Variants in PPP6R3 observed in about 807,000 individuals in gnomAD.
PPP6R3 encodes the protein serine/threonine-protein phosphatase 6 regulatory subunit 3.
PPP6R3 carries 38 observed loss-of-function variants against 110.7 expected under a neutral mutation model. That is an observed-to-expected ratio of 0.34 (90% CI 0.26 to 0.45). The LOEUF is 0.45. Ranked by LOEUF, PPP6R3 falls within the 20% of genes least tolerant of loss-of-function variation. The pLI is 1.00. For missense variants in PPP6R3, 870 were observed against 1,062.4 expected (o/e 0.82, Z 2.52); for synonymous variants, 369 against 373.5 (o/e 0.99, Z 0.14).
chr11:68,614,621 T>C lies in PPP6R3; in HGVS notation c.*1504T>C, dbSNP rs1944861309. The C allele has an allele frequency of 6.6e-7, 1 of 1,515,770 alleles. No homozygotes were observed. Among genetic ancestry groups the C allele is most frequent in the Admixed American group, 2.7e-5 (1 of 37,646 alleles). The allele number at this position is 1,515,770 out of a possible 1,614,324, so 93.9% of individuals were successfully genotyped here. ...TGCCTTATTATTTCTGATTTCCTTT[T>C]TCATTTTAAGTGGTGTGGAGATTCC... On this transcript the variant is annotated 3_prime_UTR_variant, in exon 24 of 24. Transcript: ENST00000393800.
intron 1 of PPP6R3, among the ~76,000 whole-genome samples, chr11:68,506,404 C>T (rs893107162): frequency 2.2e-5 from 2 of 90,644 alleles, no homozygotes; most frequent in African/African-American, 8.0e-5. Flanking sequence ...TGCACCCAGC[C>T]CTTTATACTC....
chr11:68,563,597 A>G (rs1403130713), intron 8 of PPP6R3, among the ~76,000 whole-genome samples: 1 of 152,234 alleles, frequency 6.6e-6, no homozygotes, highest in Non-Finnish European at 1.5e-5. Context: ...CTACTTAGCT[A>G]AACCAGACAG....
chr11:68,553,623 G>A (rs1006505723), intron 6 of PPP6R3, among the ~76,000 whole-genome samples: 1 of 152,072 alleles, frequency 6.6e-6, no homozygotes, highest in African/African-American at 2.4e-5. Context: ...TTCAAAAAAA[G>A]TATGTGCATC....
intron 1 of PPP6R3, among the ~76,000 whole-genome samples, chr11:68,518,915 T>G (rs952809310): frequency 6.6e-6 from 1 of 152,184 alleles, no homozygotes; most frequent in East Asian, 1.9e-4. Flanking sequence ...GTCCACAGTT[T>G]AAGTCATTTT....
chr11:68,475,705 G>C (rs1179641876), intron 1 of PPP6R3, among the ~76,000 whole-genome samples: 3 of 151,918 alleles, frequency 2.0e-5, no homozygotes, highest in African/African-American at 7.2e-5. Context: ...CTCCCGGACG[G>C]GGTGGCTGCC....
intron 20 of PPP6R3, among the ~76,000 whole-genome samples, chr11:68,601,276 C>T (rs1232834854): frequency 2.0e-5 from 3 of 152,152 alleles, no homozygotes; most frequent in African/African-American, 7.2e-5. Context: ...GTGATTGAAG[C>T]AGCTTGCTTC....
intron 1 of PPP6R3, among the ~76,000 whole-genome samples, chr11:68,492,478 C>T (rs1194156671): frequency 1.3e-5 from 2 of 152,202 alleles, no homozygotes; most frequent in Admixed American, 1.3e-4. Context: ...AGTTATATTT[C>T]ATTTTATGTA....
chr11:68,558,653 G>A lies in PPP6R3; in HGVS notation c.819G>A (p.Leu273=), dbSNP rs770313363. The A allele has an allele frequency of 3.1e-6, 5 of 1,611,610 alleles. No homozygotes were observed. In the South Asian group the frequency reaches 5.5e-5, roughly 18 times the overall value. The part of the protein sequence containing the change: ...SAIVSAIQIL[L]TLLETRRPTF... Reference sequence around the variant, plus strand: ...TAGTCAGTGCAATCCAGATATTGCTGACTTTACTTGAGACACGACGACCAA... The same window carrying A: ...TAGTCAGTGCAATCCAGATATTGCTAACTTTACTTGAGACACGACGACCAA... Residue 273 remains leucine, a synonymous_variant, in exon 8 of 24, where the codon CTG becomes CTA. Transcript: ENST00000393800.
chr11:68,532,625 T>C (rs2099247369), intron 2 of PPP6R3, among the ~76,000 whole-genome samples: 1 of 152,202 alleles, frequency 6.6e-6, no homozygotes. Context: ...AAAATTCCCG[T>C]CACCTAATGA....
intron 1 of PPP6R3, among the ~76,000 whole-genome samples, chr11:68,470,357 C>T (rs2098782003): frequency 6.6e-6 from 1 of 151,664 alleles, no homozygotes; most frequent in South Asian, 2.1e-4. Context: ...GGAGGGTCAG[C>T]AGGACAAGGT....
intron 7 of PPP6R3, among the ~76,000 whole-genome samples, chr11:68,556,837 C>T (rs1427620428): frequency 2.0e-5 from 3 of 152,264 alleles, no homozygotes; most frequent in African/African-American, 4.8e-5. Flanking sequence ...CAGAAGATGG[C>T]GTAGCTATTG....
intron 1 of PPP6R3, among the ~76,000 whole-genome samples, chr11:68,490,925 G>T (rs2098980136): frequency 6.6e-6 from 1 of 152,122 alleles, no homozygotes; most frequent in South Asian, 2.1e-4. Context: ...GCCGGGCATG[G>T]CCTGTAATCT....
chr11:68,483,694 C>A (rs536235293), intron 1 of PPP6R3, among the ~76,000 whole-genome samples: 1 of 152,292 alleles, frequency 6.6e-6, no homozygotes, highest in East Asian at 1.9e-4. Flanking sequence ...GTTGGCCAGG[C>A]TGGTCTCAAA....
intron 7 of PPP6R3, among the ~76,000 whole-genome samples, chr11:68,555,040 A>G (rs1051394671): frequency 1.3e-5 from 2 of 152,186 alleles, no homozygotes; most frequent in African/African-American, 4.8e-5. Flanking sequence ...TTTCCTGGAC[A>G]TATGTAAGAC....
chr11:68,588,758 T>TAA (rs367918194), intron 16 of PPP6R3, among the ~76,000 whole-genome samples: 82 of 141,742 alleles, frequency 5.8e-4, no homozygotes, highest in Admixed American at 9.8e-4. Context: ...ACTCGGTCTT[T>TAA]AAAAAAAAAA....
intron 1 of PPP6R3, among the ~76,000 whole-genome samples, chr11:68,513,028 G>T (rs1476003702): frequency 1.3e-5 from 2 of 152,094 alleles, no homozygotes; most frequent in African/African-American, 2.4e-5. Flanking sequence ...AGAAATCCAG[G>T]GTTGCCAGCC....
rs73504456 is a variant in PPP6R3, at chr11:68,550,208, G to A, written c.553-913G>A. 8.1e-3 allele frequency among the ~76,000 whole-genome samples: 1,230 copies of A among 152,128 alleles called. 16 individuals carry two copies. The highest frequency in any genetic ancestry group is 0.029 in the African/African-American group (1,188 of 41,476). ...AAACAGATATTAAAATATGAAGTTG[G>A]GCCTCTACCTCTGTGGTGCCTACCT... On this transcript the variant is annotated intron_variant, in intron 5 of 23. Coordinates refer to ENST00000393800, the MANE Select transcript of PPP6R3 (RefSeq NM_001164161.2).
intron 1 of PPP6R3, among the ~76,000 whole-genome samples, chr11:68,461,205 C>A (rs547593079): frequency 3.3e-5 from 5 of 151,514 alleles, no homozygotes; most frequent in Admixed American, 2.6e-4. Flanking sequence ...GTCTCGCCCC[C>A]CGCCCGGCCC....
intron 9 of PPP6R3, among the ~76,000 whole-genome samples, chr11:68,566,489 T>C (rs2099471132): frequency 6.6e-6 from 1 of 152,038 alleles, no homozygotes. Context: ...TCTTCCTGAG[T>C]AACTGGTACT....
Sources: allele counts gnomAD v4.1 joint callset (sites outside exome capture counted in the v4.1 genomes callset), GRCh38; gene constraint gnomAD v4.1.1; transcripts MANE v1.5; gene names NCBI Gene and HGNC (gene_info 2026-07-23, HGNC 2026-07-21).